Variants in MCM9 observed in about 807,000 individuals in gnomAD.
The protein encoded by MCM9 is DNA helicase MCM9.
MCM9 carries 55 observed loss-of-function variants against 72.8 expected under a neutral mutation model. That is an observed-to-expected ratio of 0.76 (90% confidence interval 0.61 to 0.95). The LOEUF (loss-of-function observed/expected upper bound fraction) is 0.95. Among genes scored for constraint, MCM9 ranks in the 40% least tolerant of loss-of-function variants. MCM9 has a pLI of 0.00. For synonymous variants in MCM9, 480 were observed against 503.4 expected, an observed-to-expected ratio of 0.95 and a Z score of 0.62; for missense variants, 1,279 against 1,377.0, an observed-to-expected ratio of 0.93 and a Z score of 1.13.
At chr6:118,893,673 G>A (rs1021899575) in intron 8 of MCM9, among the ~76,000 whole-genome samples, 2 of 152,064 alleles carry the variant, frequency 1.3e-5, no homozygotes, top group Non-Finnish European at 2.9e-5. Flanking sequence ...TCTATAACAT[G>A]CAATTTATTT....
intron 8 of MCM9, among the ~76,000 whole-genome samples, chr6:118,868,658 T>C (rs1216896827): frequency 6.6e-6 from 1 of 152,000 alleles, no homozygotes; most frequent in African/African-American, 2.4e-5. Context: ...AACAGATACA[T>C]GAAAAAATGC....
chr6:118,833,170 C>T (rs1217512148), intron 9 of MCM9, among the ~76,000 whole-genome samples: 1 of 152,166 alleles, frequency 6.6e-6, no homozygotes, highest in Non-Finnish European at 1.5e-5. Flanking sequence ...CCTCAATCCA[C>T]ATCAGACTGA....
chr6:118,823,127 G>C (rs908173695), intron 13 of MCM9, among the ~76,000 whole-genome samples: 2 of 151,968 alleles, frequency 1.3e-5, no homozygotes, highest in Non-Finnish European at 2.9e-5. Context: ...GTTCTGTCTC[G>C]CTGGGGTTCC....
chr6:118,847,812 AC>A (rs1348624505), intron 9 of MCM9, among the ~76,000 whole-genome samples: 1 of 151,866 alleles, frequency 6.6e-6, no homozygotes, highest in Non-Finnish European at 1.5e-5. Context: ...AAAGGAAAAA[AC>A]CCTCTGGGAC....
intron 3 of MCM9, among the ~76,000 whole-genome samples, chr6:118,926,021 C>T (rs1781865077): frequency 6.6e-6 from 1 of 152,122 alleles, no homozygotes; most frequent in African/African-American, 2.4e-5. Context: ...GTATAACCAT[C>T]ACCACTAATT....
At chr6:118,922,673 CAT>C (rs1295974906) in intron 4 of MCM9, among the ~76,000 whole-genome samples, 1 of 152,176 alleles carries the variant, frequency 6.6e-6, no homozygotes, top group African/African-American at 2.4e-5. Flanking sequence ...CTACAACACA[CAT>C]GTGATGGAGT....
At chr6:118,909,519 A>G (rs982797061) in intron 8 of MCM9, among the ~76,000 whole-genome samples, 4 of 152,200 alleles carry the variant, frequency 2.6e-5, no homozygotes, top group Non-Finnish European at 5.9e-5. Flanking sequence ...GTCATTTGCC[A>G]ATACTGTATC....
intron 8 of MCM9, chr6:118,908,289 A>C (rs181872981): frequency 1.7e-4 from 26 of 152,288 alleles, no homozygotes; most frequent in African/African-American, 6.3e-4. Context: ...AGAGTTTAGA[A>C]TATCAGAGCA....
intron 8 of MCM9, among the ~76,000 whole-genome samples, chr6:118,869,599 C>CAAAAAAAAAAAAAAAAAAAAAAAAAAAA: frequency 1.7e-5 from 1 of 58,308 alleles, no homozygotes; most frequent in African/African-American, 5.9e-5. Flanking sequence ...AAAGGATTTA[C>CAAAAAAAAAAAAAAAAAAAAAAAAAAAA]AAAAAAAAAA....
chr6:118,899,894 AG>A (rs1249120904), intron 8 of MCM9, among the ~76,000 whole-genome samples: 1 of 152,212 alleles, frequency 6.6e-6, no homozygotes, highest in Non-Finnish European at 1.5e-5. Flanking sequence ...GAAGATGAAG[AG>A]GTCTCTCAGA....
At chr6:118,904,402 G>C (rs1262304378) in intron 8 of MCM9, among the ~76,000 whole-genome samples, 3 of 152,164 alleles carry the variant, frequency 2.0e-5, no homozygotes, top group Non-Finnish European at 4.4e-5. Context: ...TGCTCATCTA[G>C]GCCCAGGAAT....
intron 9 of MCM9, among the ~76,000 whole-genome samples, chr6:118,829,877 AAG>A (rs1336266352): frequency 6.6e-6 from 1 of 151,908 alleles, no homozygotes; most frequent in South Asian, 2.1e-4. Flanking sequence ...AGAAACAAAA[AAG>A]AGAGAAAGAG....
intron 8 of MCM9, among the ~76,000 whole-genome samples, chr6:118,869,601 A>C (rs1481788496): frequency 1.0e-4 from 12 of 117,282 alleles, no homozygotes; most frequent in Admixed American, 9.4e-4. Flanking sequence ...AGGATTTACA[A>C]AAAAAAAAAA....
chr6:118,894,264 T>C lies in MCM9; in HGVS notation c.1150+17386A>G, dbSNP rs574624424. 11 of 1,458,026 alleles carry C rather than the reference T, an allele frequency of 7.5e-6. No homozygotes were observed. The African/African-American group carries it at 8.5e-5, about 11-fold the overall frequency. The allele number at this position is 1,458,026 out of a possible 1,614,324, so 90.3% of individuals were successfully genotyped here. ...ACACTGTGGAGTGCTCCCGTGTAAA[T>C]AAAAAGAGGAAAAAAGTTTCTCAAG... On this transcript the variant is annotated intron_variant, in intron 8 of 13. Coordinates refer to ENST00000619706, the MANE Select transcript of MCM9 (RefSeq NM_017696.3).
chr6:118,832,532 A>G (rs1271936048), intron 9 of MCM9, among the ~76,000 whole-genome samples: 1 of 152,242 alleles, frequency 6.6e-6, no homozygotes, highest in Admixed American at 6.5e-5. Context: ...ATTATTTTAC[A>G]TTTACAGGCT....
intron 9 of MCM9, among the ~76,000 whole-genome samples, chr6:118,847,830 CA>C (rs1309307731): frequency 6.6e-6 from 1 of 151,578 alleles, no homozygotes; most frequent in Middle Eastern, 3.2e-3. Context: ...GGACTTCAGG[CA>C]AAAAAACTAA....
At position 118,905,278 on chromosome 6, in the gene MCM9, A is replaced by G. The variant is rs897094570; in HGVS notation, c.1150+6372T>C. ...CAACAGTCTATGAGGAGATCATTTA[A>G]TACTTACTAATTTAGGTCTGAAAAT... On this transcript the variant is annotated intron_variant, in intron 8 of 13. Coordinates refer to ENST00000619706, the MANE Select transcript of MCM9 (RefSeq NM_017696.3). Among the ~76,000 whole-genome samples the G allele has an allele frequency of 2.6e-5, 4 of 152,236 alleles. No homozygotes were observed. The East Asian group carries it at 5.8e-4, about 22-fold the overall frequency.
intron 8 of MCM9, among the ~76,000 whole-genome samples, chr6:118,909,358 C>T (rs1438824737): frequency 6.6e-6 from 1 of 152,148 alleles, no homozygotes; most frequent in Non-Finnish European, 1.5e-5. Flanking sequence ...CCAATTTTCA[C>T]TTAAGCTTGG....
At chr6:118,874,246 C>A (rs1583501163) in intron 8 of MCM9, among the ~76,000 whole-genome samples, 1 of 152,042 alleles carries the variant, frequency 6.6e-6, no homozygotes, top group African/African-American at 2.4e-5. Context: ...CAGAATGAGA[C>A]CCTGTCTCAA....
Sources: gnomAD v4.1 joint callset for allele counts (sites outside exome capture counted in the v4.1 genomes callset) on GRCh38, gnomAD v4.1.1 for gene constraint, MANE v1.5 for transcripts, NCBI Gene and HGNC (gene_info 2026-07-23, HGNC 2026-07-21) for gene names.